The following MINK1 variants were observed in gnomAD, a reference collection of about 807,000 sequenced individuals.
MINK1 encodes the protein misshapen-like kinase 1.
In MINK1, 46 loss-of-function variants were observed where a neutral mutation model predicts 178.4. The observed-to-expected ratio is 0.26, with a 90% confidence interval of 0.20 to 0.33. The LOEUF is 0.33. Among genes scored for constraint, MINK1 ranks in the 10% least tolerant of loss-of-function variants. The pLI is 1.00. For missense variants in MINK1, 1,366 were observed against 1,814.9 expected, an observed-to-expected ratio of 0.75 and a Z score of 4.49; for synonymous variants, 797 against 709.7, an observed-to-expected ratio of 1.12 and a Z score of -1.96.
chr17:4,847,293 CA>C (rs1412494727), intron 1 of MINK1: 1 of 452,722 alleles, frequency 2.2e-6, no homozygotes, highest in Non-Finnish European at 4.4e-6. Flanking sequence ...GGCTGGAATG[CA>C]GTGGCGCAGT....
Position 4,833,408 on chromosome 17 carries a change from C to A in MINK1, c.-176C>A, listed in dbSNP as rs925526420. 10 of 547,002 alleles carry A rather than the reference C, an allele frequency of 1.8e-5. No homozygotes were observed. Among genetic ancestry groups the A allele is most frequent in the African/African-American group, 1.8e-4 (9 of 49,420 alleles). 33.9% of individuals were successfully genotyped at this position (547,002 alleles called of 1,614,324 possible). The stretch of plus-strand genomic sequence containing the variant: ...CGGGTGGCTGGCTCCGGGGAGATAG[C>A]GCCTGTCAGTCGGTGGGTCGGTCCT... On this transcript the variant is annotated 5_prime_UTR_variant, in exon 1 of 32. Transcript: ENST00000355280. This position sits in a 1 kb window ranked among gnomAD's most constrained non-coding sequence, Gnocchi z 4.8.
intron 1 of MINK1, among the ~76,000 whole-genome samples, chr17:4,837,994 T>C (rs1909568687): frequency 6.6e-6 from 1 of 152,196 alleles, no homozygotes; most frequent in African/African-American, 2.4e-5. Flanking sequence ...GTTCTGGGCA[T>C]GTATTTCTAG....
At chr17:4,865,849 T>G in intron 1 of MINK1, among the ~76,000 whole-genome samples, 1 of 151,886 alleles carries the variant, frequency 6.6e-6, no homozygotes. Context: ...GAGCTATGAT[T>G]GTGCCACTGC....
At position 4,894,894 on chromosome 17, in the gene MINK1, C is replaced by T; in HGVS notation, c.2918-181C>T. On this transcript the variant is annotated intron_variant, in intron 24 of 31. Coordinates refer to ENST00000355280, the MANE Select transcript of MINK1 (RefSeq NM_153827.5). The surrounding 1 kb of genome is among the most constrained non-coding windows in gnomAD (Gnocchi z 4.1). ...CAAGTGACAGAAATGGGACTTGAGC[C>T]AGACCTTTTGACTCCAAGTCCAGCA... The T allele has an allele frequency of 1.4e-6, 1 of 721,708 alleles. No individual in the cohort carries two copies. Among genetic ancestry groups the T allele is most frequent in the Non-Finnish European group, 2.3e-6 (1 of 444,388 alleles). The allele number at this position is 721,708 out of a possible 1,614,324, so 44.7% of individuals were successfully genotyped here.
intron 1 of MINK1, among the ~76,000 whole-genome samples, chr17:4,878,011 C>T (rs1418533191): frequency 6.6e-6 from 1 of 151,978 alleles, no homozygotes; most frequent in Non-Finnish European, 1.5e-5. Flanking sequence ...GGGGTTTCAC[C>T]GTGTTAGCCA....
Position 4,890,958 on chromosome 17 carries a change from A to C in MINK1, c.1574A>C (p.Glu525Ala), listed in dbSNP as rs751093241. 10 of 1,555,544 alleles carry C rather than the reference A, an allele frequency of 6.4e-6. No homozygotes were observed. Among genetic ancestry groups the C allele is most frequent in the Non-Finnish European group, 8.7e-6 (10 of 1,149,384 alleles). Residue 525 changes from glutamate (E) to alanine (A), a missense_variant, in exon 15 of 32, where the codon GAG becomes GCG. Transcript: ENST00000355280. ...CATCCCTTCACATCACAGGTAGAAG[A>C]GAGAACAAGGATGAACAAGCAGCAG... ...DKPAWAREVE[E>A]RTRMNKQQNS...
rs1424306361 is a variant in MINK1, at chr17:4,885,983, C to T, written c.694+18C>T. ...AGCCCCCCGTAAGTTCTGAGTCTGCCGGGAGTGGGAGGGGAGGGAAAGGAA... is the reference window on the plus strand; with the variant it reads ...AGCCCCCCGTAAGTTCTGAGTCTGCTGGGAGTGGGAGGGGAGGGAAAGGAA... On this transcript the variant is annotated intron_variant, in intron 8 of 31. Coordinates refer to ENST00000355280, the MANE Select transcript of MINK1 (RefSeq NM_153827.5). This position sits in a 1 kb window ranked among gnomAD's most constrained non-coding sequence, Gnocchi z 5.0. 2.5e-6 allele frequency: 4 copies of T among 1,613,400 alleles called. No individual in the cohort carries two copies. The highest frequency in any genetic ancestry group is 2.2e-5 in the East Asian group (1 of 44,880).
Position 4,839,233 on chromosome 17 carries a change from G to A in MINK1, c.57+5593G>A, listed in dbSNP as rs1386464745. Among the ~76,000 whole-genome samples, 9 of 152,212 alleles carry A rather than the reference G, an allele frequency of 5.9e-5. No homozygotes were observed. The East Asian group carries it at 9.7e-4, about 16-fold the overall frequency. ...GCTGGGATTACAGGCGCGAGCCACC[G>A]TGCCCGGCCTAGACTCTTTTTCTTA... On this transcript the variant is annotated intron_variant, in intron 1 of 31. Transcript: ENST00000355280.
chr17:4,897,092 C>G (rs368797552), intron 31 of MINK1, 112 bp from the exon 32 acceptor site: 6 of 976,528 alleles, frequency 6.1e-6, no homozygotes, highest in South Asian at 4.6e-5. Flanking sequence ...CTCCTGCAGT[C>G]TCTGTGTCTC....
At position 4,892,500 on chromosome 17, in the gene MINK1, C is replaced by T; in HGVS notation, c.2186C>T (p.Pro729Leu). The change falls in exon 18 of 32, where the codon CCC becomes CTC. Residue 729 changes from proline to leucine, a missense_variant. Pro to Leu is a moderately conservative substitution (Grantham distance 98). This residue lies in a region of MINK1 where 709 missense variants were observed against 692.3 expected (regional missense o/e 1.02). Transcript: ENST00000355280. The part of the protein sequence containing the change: ...PGPPAQPPGP[P>L]NASSNPDLRR... ...CCCCCTGCTCAGCCCCCTGGCCCGC[C>T]CAACGCCTCTAGGTAATAGAGTTGT... 6.4e-7 allele frequency: 1 copy of T among 1,561,164 alleles called. No individual in the cohort carries two copies. The highest frequency in any genetic ancestry group is 8.7e-7 in the Non-Finnish European group (1 of 1,152,624).
chr17:4,892,387 G>A lies in MINK1; in HGVS notation c.2088-15G>A, dbSNP rs1275124716. On this transcript the variant is annotated splice_polypyrimidine_tract_variant and intron_variant, in intron 17 of 31. Transcript: ENST00000355280. ...CCCCCGCCGCCCCCTCGGCACCCCTGTGCTCCCTTCACAGACCTCGCAGCA... is the reference window on the plus strand; with the variant it reads ...CCCCCGCCGCCCCCTCGGCACCCCTATGCTCCCTTCACAGACCTCGCAGCA... 1.3e-6 allele frequency: 2 copies of A among 1,521,388 alleles called. No homozygotes were observed. Among genetic ancestry groups the A allele is most frequent in the Non-Finnish European group, 1.8e-6 (2 of 1,137,074 alleles). The allele number at this position is 1,521,388 out of a possible 1,614,324, so 94.2% of individuals were successfully genotyped here.
At chr17:4,871,110 T>G in intron 1 of MINK1, 1 of 340,854 alleles carries the variant, frequency 2.9e-6, no homozygotes, top group South Asian at 2.1e-5. Flanking sequence ...ATAAGCATAA[T>G]GTCTTCAAGG....
At position 4,896,864 on chromosome 17, in the gene MINK1, C is replaced by T. The variant is rs762319559; in HGVS notation, c.3915+51C>T. On this transcript the variant is annotated intron_variant, in intron 31 of 31. Coordinates refer to ENST00000355280, the MANE Select transcript of MINK1 (RefSeq NM_153827.5). This position sits in a 1 kb window ranked among gnomAD's most constrained non-coding sequence, Gnocchi z 4.6. Reference sequence around the variant, plus strand: ...CCCTGCTGTCCCGGCTGCCATGACCCTAGGCCCCTGGGCAGAGTTCTGGGG... The same window carrying T: ...CCCTGCTGTCCCGGCTGCCATGACCTTAGGCCCCTGGGCAGAGTTCTGGGG... 112 of 1,518,418 alleles carry T rather than the reference C, an allele frequency of 7.4e-5. No individual in the cohort carries two copies. The highest frequency in any genetic ancestry group is 1.1e-4 in the African/African-American group (8 of 71,670). 94.1% of individuals were successfully genotyped at this position (1,518,418 alleles called of 1,614,324 possible).
rs747190548 is a variant in MINK1, at chr17:4,891,480, C to T, written c.1765C>T (p.Leu589=). The stretch of plus-strand genomic sequence containing the variant: ...GAGCCTGGTGGCACACCGGGTCCCA[C>T]TGAAGCCATATGCAGCACCTGTACC... The part of the protein sequence containing the change: ...HKSLVAHRVP[L]KPYAAPVPRS... The change falls in exon 16 of 32, where the codon CTG becomes TTG. Residue 589 remains leucine (L), a synonymous_variant. Transcript: ENST00000355280. The T allele has an allele frequency of 7.5e-6, 12 of 1,593,926 alleles. No individual in the cohort carries two copies. Among genetic ancestry groups the T allele is most frequent in the African/African-American group, 4.0e-5 (3 of 74,656 alleles).
intron 1 of MINK1, among the ~76,000 whole-genome samples, chr17:4,852,757 G>C (rs375602461): frequency 1 from 9,824 of 9,854 alleles, 4,897 homozygotes; most frequent in Middle Eastern, 1. Context: ...TGGGTGGGGG[G>C]GGTGTGATTT....
intron 12 of MINK1, among the ~76,000 whole-genome samples, chr17:4,889,379 G>A (rs1266730113): frequency 1.3e-5 from 2 of 152,124 alleles, no homozygotes; most frequent in East Asian, 3.9e-4. Context: ...GGTGGGGTGT[G>A]GGGAGTGGAA....
At chr17:4,844,064 G>A (rs1488421350) in intron 1 of MINK1, among the ~76,000 whole-genome samples, 2 of 152,070 alleles carry the variant, frequency 1.3e-5, no homozygotes, top group Non-Finnish European at 2.9e-5. Flanking sequence ...GTACAGTGGT[G>A]CGATCTAGGC....
Position 4,896,330 on chromosome 17 carries a change from C to A in MINK1, c.3603C>A (p.Tyr1201Ter). The part of the protein sequence containing the change: ...DVDSGNSYDI[Y>*]IPVHIQSQIT... ...ACTCGGGGAACAGCTATGACATCTACATCCCTGTGCACGTGAGCTTGGCGG... is the reference window on the plus strand; with the variant it reads ...ACTCGGGGAACAGCTATGACATCTAAATCCCTGTGCACGTGAGCTTGGCGG... Residue 1201 changes from tyrosine to a stop codon, truncating the protein, a stop_gained, in exon 29 of 32, where the codon TAC becomes TAA. Coordinates refer to ENST00000355280, the MANE Select transcript of MINK1 (RefSeq NM_153827.5). LOFTEE classifies it high-confidence loss of function. The surrounding 1 kb of genome is among the most constrained non-coding windows in gnomAD (Gnocchi z 4.6). 6.3e-7 allele frequency: 1 copy of A among 1,598,726 alleles called. No homozygotes were observed.
Position 4,895,085 on chromosome 17 carries a change from T to C in MINK1, c.2928T>C (p.Gly976=). Residue 976 remains glycine, a synonymous_variant, in exon 25 of 32, where the codon GGT becomes GGC. Transcript: ENST00000355280. The surrounding 1 kb of genome is among the most constrained non-coding windows in gnomAD (Gnocchi z 4.3). ...TCCTCCTTCTGGCAGCCCTAGTGGG[T>C]GGAGAGGGCACTCGGCTCGACCAGC... ...GDSIPITALV[G]GEGTRLDQLQ... is the part of the protein sequence containing the mutation. 6.2e-7 allele frequency: 1 copy of C among 1,613,096 alleles called. No homozygotes were observed. The highest frequency in any genetic ancestry group is 1.1e-5 in the South Asian group (1 of 91,036).
Sources: allele counts gnomAD v4.1 joint callset (sites outside exome capture counted in the v4.1 genomes callset), GRCh38; gene constraint gnomAD v4.1.1; regional missense constraint gnomAD v4.1.1; non-coding constraint Gnocchi (gnomAD v3.1); transcripts MANE v1.5; gene names NCBI Gene and HGNC (gene_info 2026-07-23, HGNC 2026-07-21).